The following GABRA3 variants were observed in gnomAD, a reference collection of about 807,000 sequenced individuals.
GABRA3 encodes gamma-aminobutyric acid type A receptor subunit alpha3.
In GABRA3, 10 loss-of-function variants were observed where a neutral mutation model predicts 30.1. That is an observed-to-expected ratio of 0.33 (90% confidence interval 0.20 to 0.56). The LOEUF (loss-of-function observed/expected upper bound fraction) is 0.56. GABRA3 is among the 20% of genes least tolerant of loss of function. The pLI is 0.89. For missense variants in GABRA3, 233 were observed against 392.0 expected, an observed-to-expected ratio of 0.59 and a Z score of 3.42; for synonymous variants, 151 against 146.8, an observed-to-expected ratio of 1.03 and a Z score of -0.21.
At chrX:152,188,187 C>T (rs1438385748) in intron 9 of GABRA3, among the ~76,000 whole-genome samples, 2 of 110,693 alleles carry the variant, frequency 1.8e-5, no homozygotes, top group East Asian at 5.7e-4. Flanking sequence ...CAGCCAACCC[C>T]CATGACACAA....
chrX:152,270,673 G>A (rs957440367), intron 4 of GABRA3, among the ~76,000 whole-genome samples: 3 of 110,103 alleles, frequency 2.7e-5, no homozygotes, highest in South Asian at 3.9e-4. Context: ...TGGCCAACGT[G>A]GTGAAACCCC....
At chrX:152,262,869 G>C (rs1465267075) in intron 4 of GABRA3, among the ~76,000 whole-genome samples, 1 of 111,921 alleles carries the variant, frequency 8.9e-6, no homozygotes, top group African/African-American at 3.3e-5. Context: ...TACTGTATTA[G>C]TCCATTCTCA....
intron 7 of GABRA3, among the ~76,000 whole-genome samples, chrX:152,207,705 A>T (rs903943767): frequency 9.0e-6 from 1 of 111,446 alleles, no homozygotes; most frequent in African/African-American, 3.3e-5. Flanking sequence ...TTCTCTTCTC[A>T]TACTCTAGCC....
intron 1 of GABRA3, among the ~76,000 whole-genome samples, chrX:152,393,053 C>T (rs927220593): frequency 1.4e-4 from 16 of 111,855 alleles, no homozygotes; most frequent in African/African-American, 5.2e-4. Flanking sequence ...CACAATCCCA[C>T]GACATAAAGT....
chrX:152,403,569 C>CAT (rs1929849560), intron 1 of GABRA3, among the ~76,000 whole-genome samples: 3 of 100,796 alleles, frequency 3.0e-5, no homozygotes, highest in Admixed American at 1.1e-4. Flanking sequence ...TATGTGCACA[C>CAT]GTGTGTGTGT....
At chrX:152,437,270 C>T (rs2124549272) in intron 1 of GABRA3, among the ~76,000 whole-genome samples, 1 of 111,644 alleles carries the variant, frequency 9.0e-6, no homozygotes. Context: ...TATGTTACCA[C>T]CAAAATCTGA....
chrX:152,341,897 G>C (rs535703640), intron 3 of GABRA3, among the ~76,000 whole-genome samples: 9 of 106,235 alleles, frequency 8.5e-5, no homozygotes, highest in African/African-American at 3.1e-4. Context: ...ATTTTAGATG[G>C]AGTCTCACTC....
In GABRA3 at chrX:152,364,469, T is replaced by A. The variant is rs751788225; in HGVS notation, c.102A>T (p.Arg34=). 94 of 1,207,558 alleles carry A rather than the reference T, an allele frequency of 7.8e-5. No homozygotes were observed. Among genetic ancestry groups the A allele is most frequent in the Non-Finnish European group, 1.0e-4 (89 of 893,939 alleles). ...PGTTGQGESR[R]QEPGDFVKQD... The stretch of plus-strand genomic sequence containing the variant: ...GCTTCACAAAGTCCCCGGGTTCTTG[T>A]CGTCTTGATTCCCCTTGACCAGTGG... Residue 34 remains arginine (R), a synonymous_variant, in exon 2 of 10, where the codon CGA becomes CGT. Transcript: ENST00000370314.
At chrX:152,260,322 T>A in intron 4 of GABRA3, among the ~76,000 whole-genome samples, 1 of 111,539 alleles carries the variant, frequency 9.0e-6, no homozygotes, top group East Asian at 2.9e-4. Context: ...CCACCCCAAA[T>A]GGAAGGACAC....
rs1157463815 is a variant in GABRA3, at chrX:152,168,194, T to C, written c.*34A>G. The C allele has an allele frequency of 1.8e-6, 2 of 1,139,295 alleles. No homozygotes were observed. The highest frequency in any genetic ancestry group is 1.9e-5 in the South Asian group (1 of 53,910). The allele number at this position is 1,139,295 out of a possible 1,213,427, so 93.9% of individuals were successfully genotyped here. A position where few individuals can be genotyped will look rare whatever the true frequency, so the allele number is the denominator to read the frequency against. On this transcript the variant is annotated 3_prime_UTR_variant, in exon 10 of 10. Transcript: ENST00000370314. ...GGGTGCCTGGATGCTTCACGGGGTA[T>C]ACAGTGCTCTGGTTGCTGCACTGCC... is the stretch of plus-strand genomic sequence containing the variant.
At chrX:152,301,231 C>A (rs1939624856) in intron 3 of GABRA3, among the ~76,000 whole-genome samples, 3 of 111,660 alleles carry the variant, frequency 2.7e-5, no homozygotes, top group South Asian at 3.7e-4. Context: ...TTAAAGAAAA[C>A]AACCATCAAT....
chrX:152,230,045 T>C (rs978889608), intron 5 of GABRA3, among the ~76,000 whole-genome samples: 2 of 111,542 alleles, frequency 1.8e-5, no homozygotes, highest in Non-Finnish European at 3.8e-5. Flanking sequence ...TTTTTCTTCC[T>C]TATTCAACTT....
chrX:152,323,340 C>G (rs376111663), intron 3 of GABRA3, among the ~76,000 whole-genome samples: 1 of 111,358 alleles, frequency 9.0e-6, no homozygotes, highest in African/African-American at 3.3e-5. Context: ...CAAGTAGCAG[C>G]GGGGGATCAG....
At chrX:152,327,614 C>T (rs1218219359) in intron 3 of GABRA3, among the ~76,000 whole-genome samples, 6 of 111,712 alleles carry the variant, frequency 5.4e-5, no homozygotes, top group East Asian at 2.8e-4. Context: ...GGGTACATAA[C>T]GAAATGAAGG....
intron 3 of GABRA3, among the ~76,000 whole-genome samples, chrX:152,337,055 T>C (rs1940244873): frequency 1.0e-5 from 1 of 98,459 alleles, no homozygotes; most frequent in Non-Finnish European, 2.0e-5. Context: ...AGAATCAAGA[T>C]AAAATATTTT....
At chrX:152,253,887 T>A (rs984704363) in intron 5 of GABRA3, among the ~76,000 whole-genome samples, 2 of 111,771 alleles carry the variant, frequency 1.8e-5, no homozygotes, top group Non-Finnish European at 3.8e-5. Context: ...AAAATGCTAA[T>A]GCTAATACCA....
intron 5 of GABRA3, among the ~76,000 whole-genome samples, chrX:152,228,626 C>T (rs1343665286): frequency 1.8e-5 from 2 of 111,673 alleles, no homozygotes; most frequent in Admixed American, 9.5e-5. Context: ...ACACAAGGAG[C>T]ATGTTTTTCA....
chrX:152,307,361 C>T (rs757023109), intron 3 of GABRA3, among the ~76,000 whole-genome samples: 2 of 112,005 alleles, frequency 1.8e-5, no homozygotes, highest in Non-Finnish European at 3.8e-5. Flanking sequence ...GTACCTAACA[C>T]CTTCTGTGAA....
intron 4 of GABRA3, among the ~76,000 whole-genome samples, chrX:152,275,475 A>G (rs78490245): frequency 0.44 from 6,945 of 15,793 alleles, 743 homozygotes; most frequent in African/African-American, 0.6. Flanking sequence ...AAATAAATAG[A>G]GCTGGCTGTG....
Sources: allele counts gnomAD v4.1 joint callset (sites outside exome capture counted in the v4.1 genomes callset), GRCh38; gene constraint gnomAD v4.1.1; transcripts MANE v1.5; gene names NCBI Gene and HGNC (gene_info 2026-07-23, HGNC 2026-07-21).